Variants in ACAP2 observed in about 807,000 individuals in gnomAD.
The protein encoded by ACAP2 is ArfGAP with coiled-coil, ankyrin repeat and PH domains 2.
In ACAP2, 39 loss-of-function variants were observed where a neutral mutation model predicts 115.8. That is an observed-to-expected ratio of 0.34 (90% CI 0.26 to 0.44). ACAP2 has a LOEUF of 0.44. Ranked by LOEUF, ACAP2 falls within the 20% of genes least tolerant of loss-of-function variation. The probability of loss-of-function intolerance (pLI) is 1.00; values close to 1 mark genes in which losing one functional copy is unlikely to be tolerated. For missense variants in ACAP2, 662 were observed against 927.6 expected (o/e 0.71, Z 3.72); for synonymous variants, 289 against 315.8 (o/e 0.92, Z 0.90).
chr3:195,438,984 C>T lies in ACAP2; in HGVS notation c.53+3811G>A, dbSNP rs567002371. Among the ~76,000 whole-genome samples, 241 of 152,096 alleles carry T rather than the reference C, an allele frequency of 1.6e-3. 1 individual carries two copies. Among genetic ancestry groups the T allele is most frequent in the African/African-American group, 5.5e-3 (228 of 41,494 alleles). On this transcript the variant is annotated intron_variant, in intron 1 of 22. Transcript: ENST00000326793. ...GCTGAGGCAGGAGAACTGCTTGAAC[C>T]CAAGAGCCGGAGGGTGCAGTGAGCC...
intron 2 of ACAP2, among the ~76,000 whole-genome samples, chr3:195,383,203 A>G (rs1734062823): frequency 6.6e-6 from 1 of 152,288 alleles, no homozygotes; most frequent in South Asian, 2.1e-4. Context: ...GTTCATATGG[A>G]GTAACCACTA....
In ACAP2 at chr3:195,359,467, T is replaced by C. The variant is rs116735448; in HGVS notation, c.286-14150A>G. On this transcript the variant is annotated intron_variant, in intron 4 of 22. Transcript: ENST00000326793. ...GACACAGTGTTAAAGTATTGAGTTT[T>C]TGTTTGTTTGTTTGTTTTGAGACAG... Among the ~76,000 whole-genome samples the C allele has an allele frequency of 8.2e-3, 1,243 of 151,984 alleles. 17 individuals are homozygous for C. Among genetic ancestry groups the C allele is most frequent in the African/African-American group, 0.029 (1,206 of 41,338 alleles).
chr3:195,302,788 C>T lies in ACAP2; in HGVS notation c.1117-614G>A, dbSNP rs1285711592. ...AGAAAAGCAAAAGATGGCTGATTAA[C>T]AAAAAGTTAATTTTTTGGCCGAGAG... On this transcript the variant is annotated intron_variant, in intron 13 of 22. Transcript: ENST00000326793. Among the ~76,000 whole-genome samples the T allele has an allele frequency of 5.9e-5, 9 of 152,230 alleles. No individual in the cohort carries two copies. The East Asian group carries it at 1.7e-3, about 29-fold the overall frequency.
chr3:195,357,284 T>C (rs1371905282), intron 4 of ACAP2, among the ~76,000 whole-genome samples: 2 of 152,072 alleles, frequency 1.3e-5, no homozygotes, highest in African/African-American at 4.8e-5. Flanking sequence ...TTGATTTCAG[T>C]ACCAGCTTAA....
At chr3:195,421,889 C>T (rs541396968) in intron 1 of ACAP2, among the ~76,000 whole-genome samples, 6 of 152,130 alleles carry the variant, frequency 3.9e-5, no homozygotes, top group Admixed American at 3.3e-4. Flanking sequence ...GTAAGTTATT[C>T]TTGCTATGAA....
At chr3:195,296,393 A>C (rs192568568) in intron 16 of ACAP2, among the ~76,000 whole-genome samples, 4 of 152,344 alleles carry the variant, frequency 2.6e-5, no homozygotes, top group Non-Finnish European at 4.4e-5. Context: ...TTATGATACC[A>C]TTATAAAATG....
intron 13 of ACAP2, among the ~76,000 whole-genome samples, chr3:195,303,084 C>A (rs1418092495): frequency 1.3e-5 from 2 of 152,066 alleles, no homozygotes; most frequent in Non-Finnish European, 2.9e-5. Context: ...GGCGTGGTGG[C>A]GCACACCTGT....
intron 11 of ACAP2, 21 bp downstream of exon 11, chr3:195,308,765 G>T: frequency 1.3e-6 from 2 of 1,598,464 alleles, no homozygotes; most frequent in East Asian, 4.5e-5. Flanking sequence ...ACTCACTGGG[G>T]TTTCATTTAT....
At chr3:195,292,141 A>C (rs1411066001) in intron 19 of ACAP2, 124 bp downstream of exon 19, 2 of 1,196,678 alleles carry the variant, frequency 1.7e-6, no homozygotes, top group East Asian at 2.6e-5. Context: ...AATAGCACAG[A>C]GGTTCCTTCT....
chr3:195,345,368 TTTC>T (rs1421834923), intron 4 of ACAP2, 51 bp from the exon 5 acceptor site: 3 of 1,154,618 alleles, frequency 2.6e-6, no homozygotes, highest in Non-Finnish European at 3.9e-6. Flanking sequence ...ACAAAATAAT[TTTC>T]TTATCGTGCT....
At chr3:195,324,597 T>C (rs1729653136) in intron 9 of ACAP2, among the ~76,000 whole-genome samples, 1 of 151,786 alleles carries the variant, frequency 6.6e-6, no homozygotes, top group South Asian at 2.1e-4. Flanking sequence ...CTACTAAAAA[T>C]ACAAAAATTA....
chr3:195,403,329 C>T (rs1042117583), intron 1 of ACAP2, among the ~76,000 whole-genome samples: 2 of 152,142 alleles, frequency 1.3e-5, no homozygotes, highest in African/African-American at 2.4e-5. Flanking sequence ...CCCATAGCAA[C>T]GATAACAGCA....
intron 4 of ACAP2, among the ~76,000 whole-genome samples, chr3:195,354,240 T>A (rs1731802408): frequency 6.6e-6 from 1 of 152,254 alleles, no homozygotes; most frequent in Admixed American, 6.5e-5. Flanking sequence ...TTATCCAGTC[T>A]ACCACTGATG....
chr3:195,434,755 T>A (rs1715404010), intron 1 of ACAP2, among the ~76,000 whole-genome samples: 1 of 152,250 alleles, frequency 6.6e-6, no homozygotes, highest in African/African-American at 2.4e-5. Context: ...TTTCTGAATA[T>A]CAATTAAATC....
Position 195,295,710 on chromosome 3 carries a change from G to A in ACAP2, c.1670C>T (p.Ser557Leu). ...GDQVRASAQS[S>L]VRSNDSGIQQ... ...CACAGTAAGAAAGTTTGCCATACCT[G>A]AACTTTGGGCAGATGCTCTGACTTG... Residue 557 changes from serine to leucine, a missense_variant and splice_region_variant, in exon 17 of 23, where the codon TCA becomes TTA. Around this residue, in one of 3 missense-constraint regions of ACAP2, gnomAD observed 133 missense variants for 123.1 expected, o/e 1.08. Transcript: ENST00000326793. 6.2e-7 allele frequency: 1 copy of A among 1,614,010 alleles called. No homozygotes were observed. The highest frequency in any genetic ancestry group is 8.5e-7 in the Non-Finnish European group (1 of 1,179,950).
chr3:195,351,133 C>A (rs62287115), intron 4 of ACAP2, among the ~76,000 whole-genome samples: 1 of 140,938 alleles, frequency 7.1e-6, no homozygotes, highest in African/African-American at 2.6e-5. Context: ...TTTTTTTGGG[C>A]GGGGGACAGG....
At chr3:195,306,836 C>T in intron 12 of ACAP2, 1 of 380,578 alleles carries the variant, frequency 2.6e-6, no homozygotes, top group Non-Finnish European at 4.6e-6. Flanking sequence ...AAACAAATAA[C>T]CCATCACTGA....
chr3:195,370,860 G>A (rs944707220), intron 4 of ACAP2, among the ~76,000 whole-genome samples: 23 of 151,602 alleles, frequency 1.5e-4, no homozygotes, highest in African/African-American at 5.1e-4. Flanking sequence ...GCTGAGGCAG[G>A]AGAATCACTT....
intron 1 of ACAP2, among the ~76,000 whole-genome samples, chr3:195,432,186 A>G (rs1005005344): frequency 1.3e-5 from 2 of 152,190 alleles, no homozygotes; most frequent in Non-Finnish European, 2.9e-5. Flanking sequence ...GAAAGTTTTT[A>G]ATTTTAATGA....
Sources: allele counts gnomAD v4.1 joint callset (sites outside exome capture counted in the v4.1 genomes callset), GRCh38; gene constraint gnomAD v4.1.1; regional missense constraint gnomAD v4.1.1; transcripts MANE v1.5; gene names NCBI Gene and HGNC (gene_info 2026-07-23, HGNC 2026-07-21).